Variants in COG6 observed in about 807,000 individuals in gnomAD.
COG6 encodes the protein conserved oligomeric Golgi complex subunit 6.
In COG6, 74 loss-of-function variants were observed where a neutral mutation model predicts 88.8. The ratio of observed to expected loss-of-function variants is 0.83; its 90% CI spans 0.69 to 1.01. The LOEUF (loss-of-function observed/expected upper bound fraction) is 1.01, where lower values mean the gene tolerates loss of function less well. COG6 is among the 50% of genes least tolerant of loss of function. The pLI, the probability that COG6 is intolerant of heterozygous loss-of-function variation, is 0.00. For missense variants in COG6, 800 were observed against 797.9 expected (o/e 1.00, Z -0.03); for synonymous variants, 286 against 278.7 (o/e 1.03, Z -0.26).
At chr13:39,749,218 G>A (rs1328921047) in intron 18 of COG6, among the ~76,000 whole-genome samples, 1 of 152,140 alleles carries the variant, frequency 6.6e-6, no homozygotes, top group Non-Finnish European at 1.5e-5. Context: ...CCCAGAATAG[G>A]ACTCTGTAAA....
intron 14 of COG6, 89 bp downstream of exon 14, chr13:39,719,456 T>C: frequency 7.5e-7 from 1 of 1,339,412 alleles, no homozygotes; most frequent in Non-Finnish European, 1.0e-6. Context: ...TTCATATACT[T>C]TGACAGTCTC....
intron 13 of COG6, among the ~76,000 whole-genome samples, chr13:39,707,030 T>C (rs1445973113): frequency 6.6e-6 from 1 of 152,112 alleles, no homozygotes; most frequent in East Asian, 1.9e-4. Context: ...TTCAACTTTG[T>C]CACTTAGAAA....
intron 4 of COG6, among the ~76,000 whole-genome samples, chr13:39,667,049 C>A (rs1875316834): frequency 6.6e-6 from 1 of 152,060 alleles, no homozygotes; most frequent in African/African-American, 2.4e-5. Flanking sequence ...GATTCTCTCA[C>A]CCTAATTTTA....
At chr13:39,785,284 G>A (rs1247816538) in intron 18 of COG6, 2 of 152,204 alleles carry the variant, frequency 1.3e-5, no homozygotes, top group African/African-American at 4.8e-5. Context: ...TAGTGAGGAT[G>A]TCGGAAAACT....
At chr13:39,720,607 A>C (rs1486833139) in intron 15 of COG6, among the ~76,000 whole-genome samples, 1 of 152,078 alleles carries the variant, frequency 6.6e-6, no homozygotes, top group Admixed American at 6.6e-5. Context: ...AAGTCAAATA[A>C]TTCTACAGAA....
At chr13:39,714,384 A>T (rs1202390035) in intron 13 of COG6, among the ~76,000 whole-genome samples, 2 of 152,146 alleles carry the variant, frequency 1.3e-5, no homozygotes, top group Admixed American at 6.6e-5. Context: ...TATCTGAAAA[A>T]GGACTGATAT....
chr13:39,788,370 A>G (rs1272374639), exon 19 of COG6: 4 of 1,551,554 alleles, frequency 2.6e-6, no homozygotes, highest in African/African-American at 2.7e-5. Context: ...TCTTGTAACC[A>G]GTGCAGGACC....
In COG6 at chr13:39,687,708, G is replaced by T. The variant is rs753549156; in HGVS notation, c.918G>T (p.Arg306Ser). ...TTCATTAACATTTAGTTTTCATTAG[G>T]TATGTAGGAGATATGTTGGCTTGGC... ...PIEMHSHDPL[R>S]YVGDMLAWLH... The change falls in exon 10 of 19, where the codon AGG becomes AGT. Residue 306 changes from arginine to serine, a missense_variant and splice_region_variant. Arg to Ser is a moderately radical substitution (Grantham distance 110). Coordinates refer to ENST00000455146, the MANE Select transcript of COG6 (RefSeq NM_020751.3). 1 of 1,613,940 alleles carries T rather than the reference G, an allele frequency of 6.2e-7. No individual in the cohort carries two copies. Among genetic ancestry groups the T allele is most frequent in the Non-Finnish European group, 8.5e-7 (1 of 1,179,950 alleles).
chr13:39,674,258 A>G (rs1356070453), intron 4 of COG6, among the ~76,000 whole-genome samples: 1 of 146,366 alleles, frequency 6.8e-6, no homozygotes, highest in Non-Finnish European at 1.5e-5. Flanking sequence ...TTTAATTTAC[A>G]TATCATCGAA....
In COG6 at chr13:39,656,535, C is replaced by T. The variant is rs900749407; in HGVS notation, c.153+656C>T. ...AAACTTAAGTTGGACTTTACAGCTCCTCACATACCCAGCCATCTCTTCTGT... is the reference window on the plus strand; with the variant it reads ...AAACTTAAGTTGGACTTTACAGCTCTTCACATACCCAGCCATCTCTTCTGT... On this transcript the variant is annotated intron_variant, in intron 1 of 18. Coordinates refer to ENST00000455146, the MANE Select transcript of COG6 (RefSeq NM_020751.3). 2.6e-5 allele frequency among the ~76,000 whole-genome samples: 4 copies of T among 151,924 alleles called. No individual in the cohort carries two copies. The South Asian group carries it at 6.3e-4, about 24-fold the overall frequency.
chr13:39,742,484 A>G (rs1880098541), intron 18 of COG6, among the ~76,000 whole-genome samples: 1 of 152,120 alleles, frequency 6.6e-6, no homozygotes, highest in South Asian at 2.1e-4. Context: ...CTTTAAACCA[A>G]CAAAGATCAA....
chr13:39,658,247 G>T (rs991658855), intron 1 of COG6, among the ~76,000 whole-genome samples: 1 of 151,468 alleles, frequency 6.6e-6, no homozygotes, highest in Admixed American at 6.6e-5. Flanking sequence ...TGGCTCAAGC[G>T]ATCCTCCTGC....
chr13:39,667,157 T>C (rs1441101366), intron 4 of COG6, among the ~76,000 whole-genome samples: 1 of 152,168 alleles, frequency 6.6e-6, no homozygotes, highest in Admixed American at 6.5e-5. Flanking sequence ...ATAAAAATAT[T>C]GCACAATTTT....
intron 4 of COG6, among the ~76,000 whole-genome samples, chr13:39,670,858 A>G (rs976440103): frequency 6.6e-6 from 1 of 151,976 alleles, no homozygotes; most frequent in African/African-American, 2.4e-5. Flanking sequence ...TTGCATTGTA[A>G]ACTACTTTAA....
At chr13:39,728,626 A>T (rs1480801293) in intron 18 of COG6, among the ~76,000 whole-genome samples, 1 of 151,832 alleles carries the variant, frequency 6.6e-6, no homozygotes, top group Non-Finnish European at 1.5e-5. Context: ...GACTTAAGAG[A>T]TTACCAAAGA....
intron 18 of COG6, among the ~76,000 whole-genome samples, chr13:39,745,486 C>T (rs1880293389): frequency 1.3e-5 from 2 of 152,148 alleles, no homozygotes; most frequent in Admixed American, 6.6e-5. Context: ...TGAAAAAATG[C>T]TCATCATCAC....
chr13:39,751,534 G>A lies in COG6; in HGVS notation c.*441G>A. ...ATTTGCTTTCTTTTAATATGAGTAGGCATACTTAGTAGCTTTTCTGAACCT... is the reference window on the plus strand; with the variant it reads ...ATTTGCTTTCTTTTAATATGAGTAGACATACTTAGTAGCTTTTCTGAACCT... On this transcript the variant is annotated 3_prime_UTR_variant, in exon 19 of 19. Transcript: ENST00000455146. The A allele has an allele frequency of 7.8e-7, 1 of 1,286,300 alleles. No homozygotes were observed. Among genetic ancestry groups the A allele is most frequent in the African/African-American group, 1.5e-5 (1 of 65,828 alleles). The allele number at this position is 1,286,300 out of a possible 1,614,324, so 79.7% of individuals were successfully genotyped here. A position where few individuals can be genotyped will look rare whatever the true frequency, so the allele number is the denominator to read the frequency against.
downstream of COG6, among the ~76,000 whole-genome samples, chr13:39,756,026 T>C (rs1047932579): frequency 3.3e-5 from 5 of 152,172 alleles, no homozygotes; most frequent in African/African-American, 1.2e-4. Flanking sequence ...ATTGAACTTA[T>C]TAGACAAAGA....
At chr13:39,754,710 A>T (rs528166561), downstream of COG6, among the ~76,000 whole-genome samples, 2 of 152,182 alleles carry the variant, frequency 1.3e-5, no homozygotes, top group South Asian at 2.1e-4. Context: ...AGTACCTACT[A>T]GGTAGTAGGC....
Sources: gnomAD v4.1 joint callset for allele counts (sites outside exome capture counted in the v4.1 genomes callset) on GRCh38, gnomAD v4.1.1 for gene constraint, MANE v1.5 for transcripts, NCBI Gene and HGNC (gene_info 2026-07-23, HGNC 2026-07-21) for gene names.